The following LRBA variants were observed in gnomAD, a reference collection of about 807,000 sequenced individuals.
LRBA encodes lipopolysaccharide-responsive and beige-like anchor protein.
LRBA carries 176 observed loss-of-function variants against 330.0 expected under a neutral mutation model. The ratio of observed to expected loss-of-function variants is 0.53; its 90% CI spans 0.47 to 0.60. The LOEUF (loss-of-function observed/expected upper bound fraction) is 0.60. Among genes scored for constraint, LRBA ranks in the 20% least tolerant of loss-of-function variants. The probability of loss-of-function intolerance (pLI) is 0.00; values close to 1 mark genes in which losing one functional copy is unlikely to be tolerated. For synonymous variants in LRBA, 1,230 were observed against 1,193.0 expected, an observed-to-expected ratio of 1.03 and a Z score of -0.64; for missense variants, 3,259 against 3,444.8, an observed-to-expected ratio of 0.95 and a Z score of 1.35.
At chr4:150,775,907 G>C (rs140674795) in intron 34 of LRBA, among the ~76,000 whole-genome samples, 3 of 150,460 alleles carry the variant, frequency 2.0e-5, no homozygotes, top group Non-Finnish European at 4.4e-5. Flanking sequence ...GAGCAGAGAA[G>C]AGAGAGGAGG....
At chr4:150,825,518 C>G (rs1746118773) in intron 30 of LRBA, among the ~76,000 whole-genome samples, 1 of 152,100 alleles carries the variant, frequency 6.6e-6, no homozygotes, top group South Asian at 2.1e-4. Context: ...AGGCACCCGC[C>G]ACCACGCGTA....
chr4:150,335,484 T>TGC (rs1734572253), intron 48 of LRBA, among the ~76,000 whole-genome samples: 1 of 73,260 alleles, frequency 1.4e-5, no homozygotes. Context: ...TACGTATATA[T>TGC]GTGTGTGTAT....
At chr4:150,475,933 G>C (rs11099764) in intron 42 of LRBA, among the ~76,000 whole-genome samples, 92,828 of 151,642 alleles carry the variant, frequency 0.61, 31,418 homozygotes, top group Non-Finnish European at 0.75. Flanking sequence ...AAATAAACAG[G>C]AAAAAAGATT....
In LRBA at chr4:150,282,595, T is replaced by G. The variant is rs1439687637; in HGVS notation, c.8171A>C (p.Glu2724Ala). ...SMNGDLLRTL[E>A]GPENCLKPKL... ...TGGTTTCAGGCAGTTTTCAGGACCC[T>G]CCAAGGTCCTCAACAAGTCTCCATT... The change falls in exon 55 of 57, where the codon GAG becomes GCG. Residue 2724 changes from glutamate (E) to alanine (A), a missense_variant. Physicochemically the swap from Glu to Ala is moderately radical, Grantham distance 107 (BLOSUM62 -1). Coordinates refer to ENST00000651943, the MANE Select transcript of LRBA (RefSeq NM_001364905.1). 1 of 1,613,998 alleles carries G rather than the reference T, an allele frequency of 6.2e-7. No individual in the cohort carries two copies. Among genetic ancestry groups the G allele is most frequent in the East Asian group, 2.2e-5 (1 of 44,866 alleles).
chr4:150,954,982 GA>G (rs907589961), intron 2 of LRBA, among the ~76,000 whole-genome samples: 1 of 148,594 alleles, frequency 6.7e-6, no homozygotes, highest in African/African-American at 2.6e-5. Context: ...AATAAGTGAA[GA>G]AAAAAAATTA....
At chr4:150,748,078 CCACT>C (rs1239222961) in intron 35 of LRBA, among the ~76,000 whole-genome samples, 5 of 152,188 alleles carry the variant, frequency 3.3e-5, no homozygotes, top group Non-Finnish European at 7.4e-5. Context: ...GCGCCAAAGT[CCACT>C]CAAACTCAAG....
intron 2 of LRBA, among the ~76,000 whole-genome samples, chr4:150,999,068 A>C (rs970774573): frequency 6.6e-6 from 1 of 152,186 alleles, no homozygotes; most frequent in Non-Finnish European, 1.5e-5. Flanking sequence ...TAAATATAAC[A>C]AAAAATACTT....
chr4:150,561,702 T>C (rs1305950628), intron 40 of LRBA, among the ~76,000 whole-genome samples: 1 of 152,180 alleles, frequency 6.6e-6, no homozygotes, highest in Non-Finnish European at 1.5e-5. Context: ...ACACCTTGAT[T>C]TTACTTCTGT....
At chr4:150,895,445 C>G (rs1430153167) in intron 16 of LRBA, among the ~76,000 whole-genome samples, 1 of 152,120 alleles carries the variant, frequency 6.6e-6, no homozygotes, top group Non-Finnish European at 1.5e-5. Context: ...ACCCCCACCC[C>G]ACAACAGGCC....
intron 34 of LRBA, among the ~76,000 whole-genome samples, chr4:150,766,077 T>A (rs996668640): frequency 6.6e-6 from 1 of 152,062 alleles, no homozygotes; most frequent in South Asian, 2.1e-4. Context: ...TAGTAATACA[T>A]TATGCTTCTG....
chr4:150,915,600 C>T lies in LRBA; in HGVS notation c.1014+8G>A. The T allele has an allele frequency of 6.3e-7, 1 of 1,595,134 alleles. No individual in the cohort carries two copies. On this transcript the variant is annotated splice_region_variant and intron_variant, in intron 8 of 56. Coordinates refer to ENST00000651943, the MANE Select transcript of LRBA (RefSeq NM_001364905.1). ...CTTTTTTCATTGCAACATTTTGAAA[C>T]TACTTACATCGCTAGTGTTGACAAA...
rs57119340 is a variant in LRBA at position 150,346,757 on chromosome 4, C to CAAAA, written c.7362+3231_7362+3234dup. Among the ~76,000 whole-genome samples the CAAAA allele has an allele frequency of 9.4e-4, 62 of 66,150 alleles. 1 individual carries two copies. Among genetic ancestry groups the CAAAA allele is most frequent in the African/African-American group, 3.3e-3 (43 of 12,888 alleles). 43.4% of individuals were successfully genotyped at this position (66,150 alleles called of 152,430 possible). On this transcript the variant is annotated intron_variant, in intron 48 of 56. Transcript: ENST00000651943. ...CTGGCAACAATGTGAGACTCTGTCT[C>CAAAA]AAAAAAAAAAAAAAAAAAAAAAAAA...
chr4:150,619,823 T>C (rs932258016), intron 37 of LRBA, among the ~76,000 whole-genome samples: 1 of 152,120 alleles, frequency 6.6e-6, no homozygotes, highest in Non-Finnish European at 1.5e-5. Flanking sequence ...ACTCTGATCA[T>C]TCTTTCATAG....
At chr4:150,610,251 T>C (rs1392418554) in intron 37 of LRBA, among the ~76,000 whole-genome samples, 7 of 152,286 alleles carry the variant, frequency 4.6e-5, no homozygotes, top group East Asian at 3.9e-4. Flanking sequence ...ATTTTTCCTA[T>C]ACCCTGACCC....
intron 23 of LRBA, 79 bp from the exon 24 acceptor site, chr4:150,850,981 T>C: frequency 3.2e-6 from 3 of 951,464 alleles, no homozygotes; most frequent in Non-Finnish European, 4.7e-6. Flanking sequence ...ATTTAGTAGC[T>C]TCTATGCAAT....
chr4:150,828,610 C>T lies in LRBA; in HGVS notation c.4741G>A (p.Ala1581Thr). 2 of 1,613,022 alleles carry T rather than the reference C, an allele frequency of 1.2e-6. No individual in the cohort carries two copies. Among genetic ancestry groups the T allele is most frequent in the Non-Finnish European group, 1.7e-6 (2 of 1,179,498 alleles). ...ENVSLSEITP[A>T]AFSTLTTASV... ...GCCGTAGTTAAAGTGCTGAATGCTG[C>T]TGGTGTGATTTCTATATCATACCCA... The change falls in exon 30 of 57, where the codon GCA (alanine) becomes ACA (threonine). Residue 1581 changes from alanine (A) to threonine (T), a missense_variant. Coordinates refer to ENST00000651943, the MANE Select transcript of LRBA (RefSeq NM_001364905.1).
At chr4:150,556,839 A>T (rs1280479152) in intron 40 of LRBA, among the ~76,000 whole-genome samples, 2 of 152,230 alleles carry the variant, frequency 1.3e-5, no homozygotes, top group Non-Finnish European at 1.5e-5. Flanking sequence ...TTTAATATCA[A>T]TGTGACAGCA....
intron 40 of LRBA, among the ~76,000 whole-genome samples, chr4:150,527,606 T>C (rs1281840352): frequency 6.6e-6 from 1 of 152,176 alleles, no homozygotes; most frequent in Admixed American, 6.5e-5. Context: ...AGGCAAACAA[T>C]CTGAGAGGTT....
At chr4:150,579,211 T>C (rs1770903541) in intron 40 of LRBA, 1 of 456,736 alleles carries the variant, frequency 2.2e-6, no homozygotes, top group East Asian at 7.0e-5. Context: ...TGGACTTCTA[T>C]ACTAACATAC....
Sources: allele counts gnomAD v4.1 joint callset (sites outside exome capture counted in the v4.1 genomes callset), GRCh38; gene constraint gnomAD v4.1.1; transcripts MANE v1.5; gene names NCBI Gene and HGNC (gene_info 2026-07-23, HGNC 2026-07-21).